Variants in LAMA1 observed in about 807,000 individuals in gnomAD.
LAMA1 encodes laminin subunit alpha 1, also known as laminin subunit alpha-1.
A neutral mutation model predicts 348.7 loss-of-function variants in LAMA1; 219 were observed. That is an observed-to-expected ratio of 0.63 (90% confidence interval 0.56 to 0.70). LAMA1 has a LOEUF of 0.70. LAMA1 is among the 30% of genes least tolerant of loss of function. The pLI is 0.00. For synonymous variants in LAMA1, 1,487 were observed against 1,491.0 expected, an observed-to-expected ratio of 1.00 and a Z score of 0.06; for missense variants, 3,744 against 3,888.0, an observed-to-expected ratio of 0.96 and a Z score of 0.99.
At chr18:6,955,605 T>C (rs1042010963) in intron 56 of LAMA1, 140 bp from the exon 57 acceptor site, 1 of 708,984 alleles carries the variant, frequency 1.4e-6, no homozygotes, top group Non-Finnish European at 2.6e-6. Context: ...TGGCGCTCAC[T>C]CCATCTTCGG....
At position 6,944,583 on chromosome 18, in the gene LAMA1, T is replaced by C. The variant is rs532665805; in HGVS notation, c.8845-1181A>G. Among the ~76,000 whole-genome samples, 5 of 152,256 alleles carry C rather than the reference T, an allele frequency of 3.3e-5. No homozygotes were observed. The South Asian group carries it at 1.0e-3, about 32-fold the overall frequency. ...GTGGCCCTCATCCAATCTGACTGTG[T>C]CTTTATAAGAAGAGATTAGGACACA... On this transcript the variant is annotated intron_variant, in intron 61 of 62. Coordinates refer to ENST00000389658, the MANE Select transcript of LAMA1 (RefSeq NM_005559.4).
rs370327597 is a variant in LAMA1 at position 6,961,774 on chromosome 18, G to C, written c.7453-15C>G. On this transcript the variant is annotated splice_polypyrimidine_tract_variant and intron_variant, in intron 52 of 62. Coordinates refer to ENST00000389658, the MANE Select transcript of LAMA1 (RefSeq NM_005559.4). ...CTCCGGATGGGCTGGACACAGAGGA[G>C]ATGGAACAGCATGGTGAGTTCCTAG... 4.3e-6 allele frequency: 7 copies of C among 1,613,962 alleles called. No homozygotes were observed. The highest frequency in any genetic ancestry group is 5.1e-6 in the Non-Finnish European group (6 of 1,179,972).
At chr18:6,977,677 C>T in intron 44 of LAMA1, 50 bp downstream of exon 44, 1 of 1,610,274 alleles carries the variant, frequency 6.2e-7, no homozygotes. Flanking sequence ...TCCCTGGGAC[C>T]CCACATGACT....
chr18:7,088,759 C>T (rs2058227732), intron 1 of LAMA1, among the ~76,000 whole-genome samples: 1 of 152,078 alleles, frequency 6.6e-6, no homozygotes, highest in Admixed American at 6.6e-5. Context: ...TGGCCTCAAA[C>T]AATCCTTCCA....
chr18:6,951,893 G>A (rs1466815970), intron 57 of LAMA1, among the ~76,000 whole-genome samples: 1 of 152,224 alleles, frequency 6.6e-6, no homozygotes. Context: ...TTGTGCCCGC[G>A]GCAACGGCAA....
rs766664172 is a variant in LAMA1, at chr18:6,978,253, T to G, written c.6133A>C (p.Arg2045=). Residue 2045 remains arginine, a synonymous_variant, in exon 43 of 63, where the codon AGG becomes CGG. Coordinates refer to ENST00000389658, the MANE Select transcript of LAMA1 (RefSeq NM_005559.4). ...GTCTCTCGTAATGTGGTGTTGACCC[T>G]GGACAGGCTGGCAGATGTGTTCAGC... The part of the protein sequence containing the change: ...ELLNTSASLS[R]VNTTLRETHQ... 6.2e-7 allele frequency: 1 copy of G among 1,614,100 alleles called. No homozygotes were observed. Among genetic ancestry groups the G allele is most frequent in the African/African-American group, 1.3e-5 (1 of 74,928 alleles).
intron 29 of LAMA1, among the ~76,000 whole-genome samples, chr18:7,006,879 A>C (rs547391828): frequency 2.0e-5 from 3 of 152,338 alleles, no homozygotes; most frequent in South Asian, 2.1e-4. Context: ...AAATGTCATT[A>C]TTTGGTGCAC....
At chr18:7,019,204 G>C (rs972842410) in intron 19 of LAMA1, among the ~76,000 whole-genome samples, 1 of 152,064 alleles carries the variant, frequency 6.6e-6, no homozygotes, top group African/African-American at 2.4e-5. Context: ...AAAGTCTCCA[G>C]AGATTTCCCA....
At chr18:6,979,593 A>G (rs562369013) in intron 42 of LAMA1, among the ~76,000 whole-genome samples, 33 of 152,362 alleles carry the variant, frequency 2.2e-4, no homozygotes, top group African/African-American at 6.3e-4. Context: ...TTACACATAA[A>G]AAAATTATCC....
chr18:7,109,818 G>A (rs749816275), intron 1 of LAMA1, among the ~76,000 whole-genome samples: 2 of 152,086 alleles, frequency 1.3e-5, no homozygotes, highest in South Asian at 4.1e-4. Flanking sequence ...GTATTTTGGC[G>A]GGGTTACTCT....
chr18:7,107,213 G>A (rs900838673), intron 1 of LAMA1, among the ~76,000 whole-genome samples: 4 of 150,678 alleles, frequency 2.7e-5, no homozygotes, highest in African/African-American at 9.8e-5. Context: ...CCGCCTGCCG[G>A]GTTCACGCCA....
intron 58 of LAMA1, among the ~76,000 whole-genome samples, chr18:6,950,403 C>T (rs1399913497): frequency 2.0e-5 from 3 of 152,178 alleles, no homozygotes; most frequent in East Asian, 1.9e-4. Context: ...CCCAGCTGGC[C>T]GATTACAGGC....
At chr18:7,011,567 G>A (rs2057860925) in intron 24 of LAMA1, 88 bp from the exon 25 acceptor site, 2 of 1,199,892 alleles carry the variant, frequency 1.7e-6, no homozygotes, top group Admixed American at 2.0e-5. Context: ...TTGTTTCACA[G>A]ATGAAACAGC....
At chr18:6,956,508 GCTCCAGCTCC>G (rs1286700798) in intron 56 of LAMA1, 118 bp downstream of exon 56, 2 of 813,598 alleles carry the variant, frequency 2.5e-6, no homozygotes, top group Admixed American at 5.4e-5. Context: ...TTTTAGCACA[GCTCCAGCTCC>G]AGCTCCAGCT....
At chr18:7,029,467 C>T (rs935357722) in intron 16 of LAMA1, among the ~76,000 whole-genome samples, 1 of 152,206 alleles carries the variant, frequency 6.6e-6, no homozygotes, top group Non-Finnish European at 1.5e-5. Context: ...TCATTTGGAA[C>T]ATGTCTATGG....
intron 23 of LAMA1, among the ~76,000 whole-genome samples, chr18:7,012,649 G>A (rs1369211669): frequency 6.6e-6 from 1 of 150,568 alleles, no homozygotes; most frequent in African/African-American, 2.4e-5. Flanking sequence ...GGGACTACAG[G>A]CGCCTGCCAC....
chr18:7,009,372 G>C lies in LAMA1; in HGVS notation c.3874-6C>G, dbSNP rs762983143. 2 of 1,613,894 alleles carry C rather than the reference G, an allele frequency of 1.2e-6. No homozygotes were observed. The highest frequency in any genetic ancestry group is 1.7e-6 in the Non-Finnish European group (2 of 1,179,888). ...TTAAAATATTTCCAAAAATTCTGTA[G>C]AATGAGAAACACATTCAATTAAGCT... On this transcript the variant is annotated splice_region_variant and splice_polypyrimidine_tract_variant and intron_variant, in intron 26 of 62. Coordinates refer to ENST00000389658, the MANE Select transcript of LAMA1 (RefSeq NM_005559.4).
intron 13 of LAMA1, among the ~76,000 whole-genome samples, chr18:7,035,775 G>A (rs1392396608): frequency 3.3e-5 from 5 of 152,054 alleles, no homozygotes; most frequent in African/African-American, 7.2e-5. Context: ...GAAGAGTGGC[G>A]GGTGCTGTCC....
intron 8 of LAMA1, chr18:7,042,992 G>A: frequency 1.8e-6 from 1 of 554,706 alleles, no homozygotes; most frequent in East Asian, 3.1e-5. Context: ...TATGACCCAG[G>A]ATTACATAGC....
Sources: gnomAD v4.1 joint callset for allele counts (sites outside exome capture counted in the v4.1 genomes callset) on GRCh38, gnomAD v4.1.1 for gene constraint, MANE v1.5 for transcripts, NCBI Gene and HGNC (gene_info 2026-07-23, HGNC 2026-07-21) for gene names.